Variants in RALYL observed in about 807,000 individuals in gnomAD.
RALYL encodes RALY RNA binding protein like.
Under a neutral mutation model 35.1 loss-of-function variants are expected in RALYL, and 29 were observed. That is an observed-to-expected ratio of 0.83 (90% CI 0.61 to 1.13). The LOEUF is 1.13. Ranked by LOEUF, RALYL falls within the 50% of genes most tolerant of loss-of-function variation. The pLI is 0.00. For missense variants in RALYL, 359 were observed against 360.4 expected, an observed-to-expected ratio of 1.00 and a Z score of 0.03; for synonymous variants, 120 against 127.6, an observed-to-expected ratio of 0.94 and a Z score of 0.40.
intron 2 of RALYL, among the ~76,000 whole-genome samples, chr8:84,636,239 T>G (rs1320311760): frequency 1.3e-5 from 2 of 151,782 alleles, no homozygotes; most frequent in Non-Finnish European, 2.9e-5. Context: ...ATATTTGCTC[T>G]GAAATGTCTT....
At chr8:84,484,816 C>G (rs1000679628) in intron 1 of RALYL, among the ~76,000 whole-genome samples, 2 of 152,050 alleles carry the variant, frequency 1.3e-5, no homozygotes, top group Admixed American at 6.6e-5. Context: ...TGAGCTTAAA[C>G]TAAACAAGAA....
At chr8:84,250,269 A>G (rs1256916097) in intron 1 of RALYL, among the ~76,000 whole-genome samples, 1 of 152,170 alleles carries the variant, frequency 6.6e-6, no homozygotes, top group African/African-American at 2.4e-5. Flanking sequence ...GATGGTACTA[A>G]GAAAAGCTTC....
At chr8:84,698,531 C>T (rs1839585370) in intron 2 of RALYL, among the ~76,000 whole-genome samples, 1 of 151,816 alleles carries the variant, frequency 6.6e-6, no homozygotes, top group African/African-American at 2.4e-5. Context: ...TATTACCTGC[C>T]TCACACCAAG....
At chr8:84,233,455 C>G (rs1025057336) in intron 1 of RALYL, among the ~76,000 whole-genome samples, 2 of 152,118 alleles carry the variant, frequency 1.3e-5, no homozygotes, top group Admixed American at 6.6e-5. Context: ...AACTCCCACC[C>G]CAAAGCACCT....
At chr8:84,705,778 T>G in intron 2 of RALYL, 1 of 588,500 alleles carries the variant, frequency 1.7e-6, no homozygotes, top group South Asian at 3.4e-5. Flanking sequence ...ACTTAACTGC[T>G]ATAGGATCGG....
chr8:84,866,465 A>G (rs945408749), intron 6 of RALYL, among the ~76,000 whole-genome samples: 3 of 152,190 alleles, frequency 2.0e-5, no homozygotes, highest in African/African-American at 7.2e-5. Context: ...TGCTACTACT[A>G]TAATTATTAT....
intron 1 of RALYL, among the ~76,000 whole-genome samples, chr8:84,284,861 G>A (rs1371881515): frequency 6.6e-6 from 1 of 152,168 alleles, no homozygotes; most frequent in Non-Finnish European, 1.5e-5. Context: ...ATTAATTACA[G>A]TGAAGGATAT....
intron 2 of RALYL, among the ~76,000 whole-genome samples, chr8:84,614,143 G>T (rs1431836722): frequency 1.3e-5 from 2 of 151,596 alleles, no homozygotes; most frequent in Non-Finnish European, 2.9e-5. Flanking sequence ...AATTTTCAAA[G>T]ATAATTAGTT....
Position 84,415,700 on chromosome 8 carries a change from T to C in RALYL, c.-23-113599T>C, listed in dbSNP as rs150548546. 5.9e-5 allele frequency among the ~76,000 whole-genome samples: 9 copies of C among 152,298 alleles called. No individual in the cohort carries two copies. In the East Asian group the frequency reaches 1.7e-3, roughly 29 times the overall value. ...GAGACACTGGTTTTTTTTTCTGGTA[T>C]ATGTAACAAAAAAGTAACAAAAGCA... On this transcript the variant is annotated intron_variant, in intron 1 of 8. Transcript: ENST00000521268.
At position 84,860,290 on chromosome 8, in the gene RALYL, T is replaced by G. The variant is rs554504715; in HGVS notation, c.414-2006T>G. 8.5e-5 allele frequency among the ~76,000 whole-genome samples: 13 copies of G among 152,340 alleles called. No homozygotes were observed. The East Asian group carries it at 2.5e-3, about 29-fold the overall frequency. ...CCAATTTATAGATTGGCTTGTTTAGTGAACCTGTAAAACTACACATTGGTG... is the reference window on the plus strand; with the variant it reads ...CCAATTTATAGATTGGCTTGTTTAGGGAACCTGTAAAACTACACATTGGTG... On this transcript the variant is annotated intron_variant, in intron 5 of 8. Coordinates refer to ENST00000521268, the MANE Select transcript of RALYL (RefSeq NM_173848.7).
At chr8:84,337,481 G>A (rs1848017786) in intron 1 of RALYL, among the ~76,000 whole-genome samples, 1 of 152,060 alleles carries the variant, frequency 6.6e-6, no homozygotes, top group Non-Finnish European at 1.5e-5. Context: ...TTATATTGTG[G>A]TGGATAATGG....
chr8:84,337,127 G>A (rs1008726872), intron 1 of RALYL, among the ~76,000 whole-genome samples: 1 of 151,318 alleles, frequency 6.6e-6, no homozygotes, highest in Non-Finnish European at 1.5e-5. Context: ...TTTACTTGAA[G>A]CCTACATCAC....
At chr8:84,589,833 T>G (rs116529446) in intron 2 of RALYL, among the ~76,000 whole-genome samples, 1,579 of 152,284 alleles carry the variant, frequency 0.01, 33 homozygotes, top group African/African-American at 0.035. Context: ...TTGTTTAAAA[T>G]TATTAAAAAG....
chr8:84,383,257 C>T (rs1563825291), intron 1 of RALYL, among the ~76,000 whole-genome samples: 2 of 151,778 alleles, frequency 1.3e-5, no homozygotes, highest in East Asian at 3.9e-4. Flanking sequence ...CCTATTAATA[C>T]TACTTGAATA....
At chr8:84,525,881 G>C (rs1298852860) in intron 1 of RALYL, among the ~76,000 whole-genome samples, 1 of 151,218 alleles carries the variant, frequency 6.6e-6, no homozygotes, top group Non-Finnish European at 1.5e-5. Context: ...AGATCTGTAG[G>C]AGTTTTTGTG....
chr8:84,666,194 C>T (rs919850047), intron 2 of RALYL, among the ~76,000 whole-genome samples: 2 of 152,032 alleles, frequency 1.3e-5, no homozygotes, highest in African/African-American at 4.8e-5. Context: ...ACCACCATAA[C>T]ATATTTTTCA....
chr8:84,806,815 C>T (rs1044933723), intron 4 of RALYL, among the ~76,000 whole-genome samples: 2 of 151,956 alleles, frequency 1.3e-5, no homozygotes, highest in Non-Finnish European at 2.9e-5. Flanking sequence ...AGTTCGAGAC[C>T]AGGCTGGACA....
chr8:84,615,307 G>A (rs1819228553), intron 2 of RALYL, among the ~76,000 whole-genome samples: 1 of 147,984 alleles, frequency 6.8e-6, no homozygotes, highest in Non-Finnish European at 1.5e-5. Flanking sequence ...GCTTTAAAGA[G>A]CCCCCTTTCC....
At chr8:84,822,305 A>T (rs1247957783) in intron 4 of RALYL, among the ~76,000 whole-genome samples, 1 of 152,180 alleles carries the variant, frequency 6.6e-6, no homozygotes, top group Non-Finnish European at 1.5e-5. Context: ...CCAAATTCCC[A>T]TGTAAAGCCA....
Sources: gnomAD v4.1 joint callset for allele counts (sites outside exome capture counted in the v4.1 genomes callset) on GRCh38, gnomAD v4.1.1 for gene constraint, MANE v1.5 for transcripts, NCBI Gene and HGNC (gene_info 2026-07-23, HGNC 2026-07-21) for gene names.